Variants in PTPRF observed in about 807,000 individuals in gnomAD.
The protein encoded by PTPRF is protein tyrosine phosphatase receptor type F.
A neutral mutation model predicts 201.8 loss-of-function variants in PTPRF; 59 were observed. That is an observed-to-expected ratio of 0.29 (90% confidence interval 0.24 to 0.36). PTPRF has a LOEUF of 0.36. Ranked by LOEUF, PTPRF falls within the 10% of genes least tolerant of loss-of-function variation. The pLI is 1.00. For synonymous variants in PTPRF, 1,088 were observed against 1,089.7 expected, an observed-to-expected ratio of 1.00 and a Z score of 0.03; for missense variants, 2,132 against 2,690.5, an observed-to-expected ratio of 0.79 and a Z score of 4.59.
intron 1 of PTPRF, 137 bp from the exon 2 acceptor site, chr1:43,538,061 G>A (rs1379638271): frequency 5.1e-6 from 2 of 394,136 alleles, no homozygotes; most frequent in African/African-American, 4.1e-5. Flanking sequence ...ACCAGATGGG[G>A]ATGGTTCTAC....
At position 43,591,042 on chromosome 1, in the gene PTPRF, C is replaced by G. The variant is rs1351426605; in HGVS notation, c.1020C>G (p.Asp340Glu). The G allele has an allele frequency of 6.2e-7, 1 of 1,614,084 alleles. No homozygotes were observed. The highest frequency in any genetic ancestry group is 1.1e-5 in the South Asian group (1 of 91,090). Residue 340 changes from aspartate to glutamate, a missense_variant, in exon 9 of 34, where the codon GAC becomes GAG. By Grantham distance (45) the Asp-to-Glu change is conservative. This residue lies in a region of PTPRF where 351 missense variants were observed against 401.7 expected (regional missense o/e 0.87). Transcript: ENST00000359947. ...CCACCAGTGTCACCCTCACCTGGGA[C>G]TCTGGGAACTCGGAGCCTGTAACCT... ...TTATSVTLTW[D>E]SGNSEPVTYY... is the part of the protein sequence containing the mutation.
Position 43,569,219 on chromosome 1 carries a change from G to GC in PTPRF, c.380-360dup, listed in dbSNP as rs11313129. Among the ~76,000 whole-genome samples, 494 of 137,876 alleles carry GC rather than the reference G, an allele frequency of 3.6e-3. 3 individuals carry two copies. The highest frequency in any genetic ancestry group is 0.011 in the Middle Eastern group (3 of 274). 90.5% of individuals were successfully genotyped at this position (137,876 alleles called of 152,430 possible). On this transcript the variant is annotated intron_variant, in intron 5 of 33. Coordinates refer to ENST00000359947, the MANE Select transcript of PTPRF (RefSeq NM_002840.5). Reference sequence around the variant, plus strand: ...TGGATGCTGCGCGAGCTCCCTGCTAGCCCCCCCCCCCACCCCCTGCAGCCC... The same window carrying GC: ...TGGATGCTGCGCGAGCTCCCTGCTAGCCCCCCCCCCCCACCCCCTGCAGCCC...
intron 7 of PTPRF, among the ~76,000 whole-genome samples, chr1:43,580,836 G>C (rs1169305169): frequency 6.6e-6 from 1 of 152,264 alleles, no homozygotes; most frequent in African/African-American, 2.4e-5. Context: ...GCTGCACCAG[G>C]GAGAGGAGAG....
rs113290421 is a variant in PTPRF, at chr1:43,592,644, GACACAC to G, written c.1813+53_1813+58del. 5.8e-5 allele frequency: 88 copies of G among 1,528,260 alleles called. 1 individual carries two copies. The African/African-American group carries it at 9.1e-4, about 16-fold the overall frequency. 94.7% of individuals were successfully genotyped at this position (1,528,260 alleles called of 1,614,324 possible). A position where few individuals can be genotyped will look rare whatever the true frequency, so the allele number is the denominator to read the frequency against. On this transcript the variant is annotated intron_variant, in intron 11 of 33. Coordinates refer to ENST00000359947, the MANE Select transcript of PTPRF (RefSeq NM_002840.5). ...CCGCTGCCTGTTACACCTGGGCTGG[GACACAC>G]ACACACACATGCACACACATCCTTC...
At chr1:43,617,591 C>T (rs757471591) in intron 24 of PTPRF, 23 bp downstream of exon 24, 8 of 1,613,538 alleles carry the variant, frequency 5.0e-6, no homozygotes, top group Non-Finnish European at 5.9e-6. Flanking sequence ...GGTGCCCCTC[C>T]CATCCCCTTG....
chr1:43,617,869 G>A lies in PTPRF; in HGVS notation c.4329G>A (p.Thr1443=), dbSNP rs200241694. The A allele has an allele frequency of 9.0e-4, 1,456 of 1,613,636 alleles. 2 individuals are homozygous for A. The highest frequency in any genetic ancestry group is 1.2e-3 in the Non-Finnish European group (1,401 of 1,179,718). Residue 1443 remains threonine (T), a synonymous_variant, in exon 25 of 34, where the codon ACG becomes ACA. Coordinates refer to ENST00000359947, the MANE Select transcript of PTPRF (RefSeq NM_002840.5). ...GGAGGATGGTGTGGGAACAGCGCAC[G>A]GCCACTGTGGTCATGATGACACGGC... The part of the protein sequence containing the change: ...DFWRMVWEQR[T]ATVVMMTRLE...
intron 7 of PTPRF, among the ~76,000 whole-genome samples, chr1:43,581,302 G>A (rs1043793192): frequency 6.6e-6 from 1 of 152,142 alleles, no homozygotes; most frequent in African/African-American, 2.4e-5. Flanking sequence ...TTTAGTTCCA[G>A]CCCCACTTGC....
chr1:43,575,534 G>A (rs1057478549), intron 6 of PTPRF, among the ~76,000 whole-genome samples: 10 of 152,114 alleles, frequency 6.6e-5, no homozygotes, highest in African/African-American at 2.2e-4. Context: ...TTACCCACCG[G>A]TGGGATTTGG....
intron 2 of PTPRF, among the ~76,000 whole-genome samples, chr1:43,540,800 C>T (rs1644315396): frequency 6.6e-6 from 1 of 152,232 alleles, no homozygotes; most frequent in Non-Finnish European, 1.5e-5. Context: ...GCGGCCTCAC[C>T]CTCTTCCCCA....
In PTPRF at chr1:43,591,686, T is replaced by C. The variant is rs1650796081; in HGVS notation, c.1532-126T>C. On this transcript the variant is annotated intron_variant, in intron 9 of 33. Transcript: ENST00000359947. ...GGATCAAGGTGCCGTATTCCATAGATGTGTGGTCAGTTGGGATGTAGGATA... is the reference window on the plus strand; with the variant it reads ...GGATCAAGGTGCCGTATTCCATAGACGTGTGGTCAGTTGGGATGTAGGATA... The C allele has an allele frequency of 3.4e-6, 5 of 1,449,904 alleles. No homozygotes were observed. In the South Asian group the frequency reaches 6.7e-5, roughly 20 times the overall value. 89.8% of individuals were successfully genotyped at this position (1,449,904 alleles called of 1,614,324 possible). A position where few individuals can be genotyped will look rare whatever the true frequency, so the allele number is the denominator to read the frequency against.
intron 7 of PTPRF, among the ~76,000 whole-genome samples, chr1:43,580,304 C>T (rs1647268444): frequency 6.6e-6 from 1 of 152,178 alleles, no homozygotes; most frequent in African/African-American, 2.4e-5. Flanking sequence ...AGGCTGTCAA[C>T]CAAAATACAC....
chr1:43,572,233 T>G (rs1040777390), intron 6 of PTPRF, among the ~76,000 whole-genome samples: 1 of 151,226 alleles, frequency 6.6e-6, no homozygotes, highest in Non-Finnish European at 1.5e-5. Context: ...TCACACTTGG[T>G]GAGGTCAGCT....
chr1:43,573,977 C>CTTTTTTTTTTTTTTT lies in PTPRF; in HGVS notation c.568+4221_568+4235dup, dbSNP rs77543816. Among the ~76,000 whole-genome samples the CTTTTTTTTTTTTTTT allele has an allele frequency of 1.1e-4, 7 of 63,884 alleles. 2 individuals carry two copies. Among genetic ancestry groups the CTTTTTTTTTTTTTTT allele is most frequent in the Non-Finnish European group, 1.9e-4 (7 of 37,274 alleles). The allele number at this position is 63,884 out of a possible 152,430, so 41.9% of individuals were successfully genotyped here. The stretch of plus-strand genomic sequence containing the variant: ...CAAAGAGGGTTTGCTTGTGTGGGTT[C>CTTTTTTTTTTTTTTT]TTTTTTTTTTTTTTTTTTTTTTTTT... On this transcript the variant is annotated intron_variant, in intron 6 of 33. Coordinates refer to ENST00000359947, the MANE Select transcript of PTPRF (RefSeq NM_002840.5).
chr1:43,597,770 G>A lies in PTPRF; in HGVS notation c.1836G>A (p.Lys612=), dbSNP rs1225654829. 1 of 1,591,484 alleles carries A rather than the reference G, an allele frequency of 6.3e-7. No homozygotes were observed. Among genetic ancestry groups the A allele is most frequent in the Non-Finnish European group, 8.6e-7 (1 of 1,167,654 alleles). The stretch of plus-strand genomic sequence containing the variant: ...CAGCCCCCTCCGCCCCTCCCCAGAA[G>A]GTGATGTGTGTGAGCATGGGCTCCA... ...AQSTPSAPPQ[K]VMCVSMGSTT... is the part of the protein sequence containing the mutation. The change falls in exon 12 of 34, where the codon AAG becomes AAA. Residue 612 remains lysine (K), a synonymous_variant. Coordinates refer to ENST00000359947, the MANE Select transcript of PTPRF (RefSeq NM_002840.5).
Position 43,603,124 on chromosome 1 carries a change from A to G in PTPRF, c.2341-292A>G, listed in dbSNP as rs6672061. Among the ~76,000 whole-genome samples the G allele has an allele frequency of 1.3e-5, 2 of 152,026 alleles. No individual in the cohort carries two copies. Among genetic ancestry groups the G allele is most frequent in the Non-Finnish European group, 2.9e-5 (2 of 67,974 alleles). On this transcript the variant is annotated intron_variant, in intron 14 of 33. Coordinates refer to ENST00000359947, the MANE Select transcript of PTPRF (RefSeq NM_002840.5). The surrounding 1 kb of genome is among the most constrained non-coding windows in gnomAD (Gnocchi z 5.8). ...CTGTTGATATCCTCAGTCTCCGTTC[A>G]CAGCACAGTGGAGTGAGGGAAACAG... is the stretch of plus-strand genomic sequence containing the variant.
rs778528006 is a variant in PTPRF, at chr1:43,605,559, C to A, written c.3420C>A (p.Asp1140Glu). The A allele has an allele frequency of 1.2e-6, 2 of 1,614,022 alleles. No individual in the cohort carries two copies. ...RWFYIVVVPIDRVGGSMLTPR... is the reference protein window; with the variant it reads ...RWFYIVVVPIERVGGSMLTPR... ...TCTACATTGTTGTGGTGCCCATTGA[C>A]CGTGTGGGCGGGAGCATGCTGACGC... The change falls in exon 19 of 34, where the codon GAC (aspartate) becomes GAA (glutamate). Residue 1140 changes from aspartate (D) to glutamate (E), a missense_variant. By Grantham distance (45) the Asp-to-Glu change is conservative (BLOSUM62 2). Transcript: ENST00000359947.
intron 7 of PTPRF, among the ~76,000 whole-genome samples, chr1:43,584,143 C>T (rs1334929442): frequency 6.6e-6 from 1 of 152,158 alleles, no homozygotes; most frequent in African/African-American, 2.4e-5. Context: ...GGGTTGGCAG[C>T]AGGGGCTAGT....
intron 8 of PTPRF, among the ~76,000 whole-genome samples, chr1:43,589,947 C>T (rs1650221213): frequency 6.6e-6 from 1 of 152,060 alleles, no homozygotes; most frequent in African/African-American, 2.4e-5. Flanking sequence ...TGTTTTGCAG[C>T]TTGAGTGATC....
At chr1:43,563,334 G>A (rs1557718286) in intron 5 of PTPRF, among the ~76,000 whole-genome samples, 1 of 152,188 alleles carries the variant, frequency 6.6e-6, no homozygotes, top group Non-Finnish European at 1.5e-5. Flanking sequence ...CAGGTTTGAG[G>A]AGGCGAGTTG....
Sources: gnomAD v4.1 joint callset for allele counts (sites outside exome capture counted in the v4.1 genomes callset) on GRCh38, gnomAD v4.1.1 for gene constraint, gnomAD v4.1.1 regional missense constraint, Gnocchi (gnomAD v3.1) non-coding constraint, MANE v1.5 for transcripts, NCBI Gene and HGNC (gene_info 2026-07-23, HGNC 2026-07-21) for gene names.